MYO9B: variants seen among roughly 807,000 people sequenced by gnomAD.
The protein encoded by MYO9B is myosin IXB, also known as unconventional myosin-IXb.
A neutral mutation model predicts 229.5 loss-of-function variants in MYO9B; 71 were observed. The ratio of observed to expected loss-of-function variants is 0.31; its 90% CI spans 0.26 to 0.38. MYO9B has a LOEUF of 0.38. MYO9B is among the 10% of genes least tolerant of loss of function. The pLI, the probability that MYO9B is intolerant of heterozygous loss-of-function variation, is 1.00. For missense variants in MYO9B, 2,255 were observed against 2,920.5 expected (o/e 0.77, Z 5.25); for synonymous variants, 1,185 against 1,235.8 (o/e 0.96, Z 0.86).
chr19:17,156,105 AC>A (rs2072534494), intron 6 of MYO9B, among the ~76,000 whole-genome samples: 1 of 151,864 alleles, frequency 6.6e-6, no homozygotes, highest in Admixed American at 6.6e-5. Flanking sequence ...AGACACAAGT[AC>A]CATCCCATCA....
chr19:17,212,255 A>G lies in MYO9B; in HGVS notation c.6419A>G (p.Tyr2140Cys), dbSNP rs923585726. The G allele has an allele frequency of 1.9e-6, 3 of 1,574,836 alleles. No homozygotes were observed. Among genetic ancestry groups the G allele is most frequent in the Non-Finnish European group, 1.7e-6 (2 of 1,164,976 alleles). Residue 2140 changes from tyrosine (Y) to cysteine (C), a missense_variant, in exon 40 of 40, where the codon TAC (tyrosine) becomes TGC (cysteine). By Grantham distance (194) the Tyr-to-Cys change is radical. Coordinates refer to ENST00000682292, the MANE Select transcript of MYO9B (RefSeq NM_004145.4). This position sits in a 1 kb window ranked among gnomAD's most constrained non-coding sequence, Gnocchi z 5.4. ...DGQPPGAKRR[Y>C]SDPPTYCLPP... is the part of the protein sequence containing the mutation. Reference sequence around the variant, plus strand: ...CAGCCACCTGGGGCCAAGCGGAGGTACTCGGATCCCCCAACGTACTGCCTG... The same window carrying G: ...CAGCCACCTGGGGCCAAGCGGAGGTGCTCGGATCCCCCAACGTACTGCCTG...
intron 2 of MYO9B, among the ~76,000 whole-genome samples, chr19:17,121,415 A>C (rs1457495318): frequency 4.7e-5 from 7 of 150,364 alleles, no homozygotes; most frequent in Admixed American, 4.6e-4. Flanking sequence ...AAGTGAGGGA[A>C]CCCACACTTA....
intron 26 of MYO9B, 56 bp from the exon 27 acceptor site, chr19:17,201,870 G>T: frequency 7.4e-7 from 1 of 1,344,390 alleles, no homozygotes; most frequent in East Asian, 2.4e-5. Flanking sequence ...GCACCTCCTC[G>T]GGTACGCAGG....
chr19:17,114,003 C>T (rs1399513088), intron 2 of MYO9B, among the ~76,000 whole-genome samples: 3 of 152,124 alleles, frequency 2.0e-5, no homozygotes, highest in Non-Finnish European at 2.9e-5. Context: ...TATGGCCAGG[C>T]CATCCTGTGC....
intron 4 of MYO9B, among the ~76,000 whole-genome samples, chr19:17,153,165 G>GGTTT (rs71180367): frequency 0.72 from 107,563 of 148,972 alleles, 39,054 homozygotes; most frequent in Non-Finnish European, 0.76. Flanking sequence ...GGGTTTTTTT[G>GGTTT]GTTTGTTTGT....
chr19:17,114,027 G>A (rs529437319), intron 2 of MYO9B, among the ~76,000 whole-genome samples: 1 of 152,184 alleles, frequency 6.6e-6, no homozygotes, highest in East Asian at 1.9e-4. Flanking sequence ...ATGGGGGACT[G>A]AGCAGCATCC....
Position 17,195,043 on chromosome 19 carries a change from G to T in MYO9B, c.3616G>T (p.Val1206Leu). Reference protein sequence around the residue: ...ESREDETLLVVETEAENTSQK... With the variant: ...ESREDETLLVLETEAENTSQK... ...CAGAGAAGATGAAACCCTTCTAGTC[G>T]TAGAGACGGAGGCTGAGAACACATC... Residue 1206 changes from valine (V) to leucine (L), a missense_variant, in exon 22 of 40, where the codon GTA (valine) becomes TTA (leucine). This residue lies in a region of MYO9B where 679 missense variants were observed against 770.2 expected (regional missense o/e 0.88). Transcript: ENST00000682292. The surrounding 1 kb of genome is among the most constrained non-coding windows in gnomAD (Gnocchi z 4.5). 1 of 1,613,072 alleles carries T rather than the reference G, an allele frequency of 6.2e-7. No homozygotes were observed. The highest frequency in any genetic ancestry group is 8.5e-7 in the Non-Finnish European group (1 of 1,179,866).
At chr19:17,130,321 A>G (rs1471678780) in intron 2 of MYO9B, among the ~76,000 whole-genome samples, 2 of 151,638 alleles carry the variant, frequency 1.3e-5, no homozygotes, top group African/African-American at 4.8e-5. Flanking sequence ...CAGTACAGAA[A>G]TTAGCCGGGC....
chr19:17,122,543 C>G (rs867256951), intron 2 of MYO9B, among the ~76,000 whole-genome samples: 3 of 152,106 alleles, frequency 2.0e-5, no homozygotes, highest in Non-Finnish European at 4.4e-5. Flanking sequence ...TGGAGAATCA[C>G]TCCCCTCATA....
At chr19:17,182,975 G>A (rs928970078) in intron 15 of MYO9B, among the ~76,000 whole-genome samples, 5 of 152,092 alleles carry the variant, frequency 3.3e-5, no homozygotes, top group African/African-American at 9.7e-5. Context: ...AGGTTGGAGT[G>A]CAGTGGCACG....
chr19:17,189,820 T>C (rs1474567275), intron 19 of MYO9B, among the ~76,000 whole-genome samples: 1 of 151,876 alleles, frequency 6.6e-6, no homozygotes, highest in South Asian at 2.1e-4. Context: ...TCCCAGCACT[T>C]TGGGAGCCTG....
In MYO9B at chr19:17,102,446, C is replaced by T. The variant is rs756096463; in HGVS notation, c.729C>T (p.Ser243=). Residue 243 remains serine, a synonymous_variant, in exon 2 of 40, where the codon TCC becomes TCT. Coordinates refer to ENST00000682292, the MANE Select transcript of MYO9B (RefSeq NM_004145.4). ...TCGTGATCTCGGGTGAGAGCGGCTC[C>T]GGCAAGACCCAGAGCACCAACTTCC... The part of the protein sequence containing the change: ...QCIVISGESG[S]GKTQSTNFLI... 5.7e-5 allele frequency: 92 copies of T among 1,613,816 alleles called. No individual in the cohort carries two copies. Among genetic ancestry groups the T allele is most frequent in the Middle Eastern group, 3.3e-4 (2 of 6,084 alleles).
chr19:17,203,022 C>T (rs1160423165), intron 29 of MYO9B, 125 bp from the exon 30 acceptor site: 2 of 1,377,100 alleles, frequency 1.5e-6, no homozygotes, highest in Middle Eastern at 1.8e-4. Flanking sequence ...TGTTTTTCCC[C>T]CGGCATATAC....
intron 2 of MYO9B, among the ~76,000 whole-genome samples, chr19:17,126,223 A>C (rs1441747401): frequency 6.6e-6 from 1 of 152,162 alleles, no homozygotes; most frequent in South Asian, 2.1e-4. Context: ...CCCAGCTCCC[A>C]GGGAGTCTCT....
At chr19:17,191,656 C>T (rs114825891) in intron 20 of MYO9B, among the ~76,000 whole-genome samples, 383 of 152,202 alleles carry the variant, frequency 2.5e-3, no homozygotes, top group African/African-American at 8.6e-3. Flanking sequence ...AAGGTCAGTC[C>T]CCCTGAAGGC....
At chr19:17,147,646 G>A (rs1423744077) in intron 3 of MYO9B, among the ~76,000 whole-genome samples, 1 of 147,698 alleles carries the variant, frequency 6.8e-6, no homozygotes, top group Non-Finnish European at 1.5e-5. Flanking sequence ...ACAAGTGTGA[G>A]CCACTGCGCC....
chr19:17,147,977 T>C (rs551951497), intron 3 of MYO9B, among the ~76,000 whole-genome samples: 1 of 152,138 alleles, frequency 6.6e-6, no homozygotes, highest in East Asian at 1.9e-4. Context: ...CCACTGCGCC[T>C]GGCCATTTAA....
chr19:17,208,179 A>T (rs371114751), intron 35 of MYO9B, among the ~76,000 whole-genome samples: 1 of 147,438 alleles, frequency 6.8e-6, no homozygotes, highest in Non-Finnish European at 1.5e-5. Flanking sequence ...AATAAAAAAT[A>T]TATATATAAA....
intron 2 of MYO9B, among the ~76,000 whole-genome samples, chr19:17,139,523 T>C (rs1246156383): frequency 1.3e-5 from 2 of 152,078 alleles, no homozygotes; most frequent in Admixed American, 6.6e-5. Context: ...AGTATGCAGA[T>C]TGCTTGAGCC....
Sources: gnomAD v4.1 joint callset for allele counts (sites outside exome capture counted in the v4.1 genomes callset) on GRCh38, gnomAD v4.1.1 for gene constraint, gnomAD v4.1.1 regional missense constraint, Gnocchi (gnomAD v3.1) non-coding constraint, MANE v1.5 for transcripts, NCBI Gene and HGNC (gene_info 2026-07-23, HGNC 2026-07-21) for gene names.